Variants in SOX6 observed in about 807,000 individuals in gnomAD.
SOX6 encodes SRY-box transcription factor 6, also known as transcription factor SOX-6.
Under a neutral mutation model 97.8 loss-of-function variants are expected in SOX6, and 11 were observed. The observed-to-expected ratio is 0.11, with a 90% CI of 0.07 to 0.19. The LOEUF (loss-of-function observed/expected upper bound fraction) is 0.19, where lower values mean the gene tolerates loss of function less well. Ranked by LOEUF, SOX6 falls within the 10% of genes least tolerant of loss-of-function variation. SOX6 has a pLI of 1.00. For missense variants in SOX6, 810 were observed against 1,039.5 expected (o/e 0.78, Z 3.04); for synonymous variants, 360 against 371.4 (o/e 0.97, Z 0.35).
At chr11:16,619,933 C>T (rs1848520678) in intron 3 of SOX6, among the ~76,000 whole-genome samples, 3 of 152,054 alleles carry the variant, frequency 2.0e-5, no homozygotes, top group South Asian at 2.1e-4. Flanking sequence ...AAGAGTAAAA[C>T]ATATTGATGT....
chr11:16,093,263 C>T (rs1409641127), intron 9 of SOX6, among the ~76,000 whole-genome samples: 1 of 151,938 alleles, frequency 6.6e-6, no homozygotes, highest in Non-Finnish European at 1.5e-5. Context: ...AACTGTTCAA[C>T]TAAAAATAGC....
intron 1 of SOX6, among the ~76,000 whole-genome samples, chr11:16,471,140 G>A (rs1275100765): frequency 1.3e-5 from 2 of 149,494 alleles, no homozygotes; most frequent in African/African-American, 4.9e-5. Context: ...TAAACGGTCA[G>A]AATTACATAA....
In SOX6 at chr11:16,250,218, C is replaced by A. The variant is rs72867976; in HGVS notation, c.446-15547G>T. 7.9e-3 allele frequency among the ~76,000 whole-genome samples: 1,201 copies of A among 152,218 alleles called. 14 individuals are homozygous for A. Among genetic ancestry groups the A allele is most frequent in the Non-Finnish European group, 0.011 (716 of 68,022 alleles). On this transcript the variant is annotated intron_variant, in intron 3 of 15. Transcript: ENST00000683767. The stretch of plus-strand genomic sequence containing the variant: ...GTACATGCAAGAGATCTATACTGTG[C>A]TCTCCTTATGATAAAGAATTTTGAG...
intron 3 of SOX6, 188 bp downstream of exon 3, chr11:16,318,258 A>T (rs878942508): frequency 1.6e-6 from 1 of 629,874 alleles, no homozygotes; most frequent in South Asian, 1.9e-5. Flanking sequence ...AGAAAAACGG[A>T]GCTATCTGTT....
chr11:16,039,102 A>G (rs924751912), intron 12 of SOX6, among the ~76,000 whole-genome samples: 5 of 152,090 alleles, frequency 3.3e-5, no homozygotes, highest in Non-Finnish European at 7.4e-5. Flanking sequence ...GTATGACAAG[A>G]ATTTTTGTGC....
intron 3 of SOX6, among the ~76,000 whole-genome samples, chr11:16,635,699 C>T (rs1472002360): frequency 6.6e-6 from 1 of 152,134 alleles, no homozygotes; most frequent in Non-Finnish European, 1.5e-5. Flanking sequence ...GGCCCAGAAG[C>T]CTAGGAGGGA....
chr11:16,456,383 G>C (rs1307993597), intron 1 of SOX6, among the ~76,000 whole-genome samples: 1 of 152,112 alleles, frequency 6.6e-6, no homozygotes, highest in East Asian at 1.9e-4. Context: ...AGATTCATCA[G>C]AACTTAGTCT....
chr11:16,353,123 A>T (rs1228102448), intron 1 of SOX6, among the ~76,000 whole-genome samples: 1 of 152,064 alleles, frequency 6.6e-6, no homozygotes, highest in Non-Finnish European at 1.5e-5. Flanking sequence ...GTTTATTTCA[A>T]GGCCCAGAGA....
chr11:16,552,717 T>C (rs190665333), intron 4 of SOX6, among the ~76,000 whole-genome samples: 78 of 152,298 alleles, frequency 5.1e-4, no homozygotes, highest in Non-Finnish European at 9.7e-4. Flanking sequence ...GGATTTTTTG[T>C]TTTTCTTTTT....
chr11:16,107,420 TATATATAC>T (rs1158817195), intron 7 of SOX6, among the ~76,000 whole-genome samples: 2 of 147,530 alleles, frequency 1.4e-5, no homozygotes, highest in African/African-American at 4.9e-5. Context: ...TATATATACA[TATATATAC>T]ATATATATAC....
intron 7 of SOX6, among the ~76,000 whole-genome samples, chr11:16,108,065 G>A (rs958683281): frequency 3.3e-5 from 5 of 152,088 alleles, no homozygotes; most frequent in Admixed American, 1.3e-4. Flanking sequence ...TGAACAAATC[G>A]TGACACATTT....
At chr11:16,078,876 G>A (rs1848413991) in intron 9 of SOX6, among the ~76,000 whole-genome samples, 1 of 152,106 alleles carries the variant, frequency 6.6e-6, no homozygotes, top group Admixed American at 6.5e-5. Context: ...TGGCAAGGGT[G>A]TACTTGTGCT....
At chr11:16,180,890 T>C (rs566973427) in intron 6 of SOX6, among the ~76,000 whole-genome samples, 3 of 151,862 alleles carry the variant, frequency 2.0e-5, no homozygotes, top group African/African-American at 7.2e-5. Flanking sequence ...GCAAATAAAA[T>C]AAACATGGGA....
chr11:16,203,032 T>C (rs1210666418), intron 4 of SOX6, among the ~76,000 whole-genome samples: 1 of 151,996 alleles, frequency 6.6e-6, no homozygotes, highest in African/African-American at 2.4e-5. Flanking sequence ...TAAATACTAA[T>C]AAAAGCCACA....
chr11:16,549,762 A>G (rs1847661953), intron 4 of SOX6, among the ~76,000 whole-genome samples: 1 of 152,192 alleles, frequency 6.6e-6, no homozygotes, highest in South Asian at 2.1e-4. Flanking sequence ...ACTCAGCAAA[A>G]GAATGATACA....
intron 3 of SOX6, among the ~76,000 whole-genome samples, chr11:16,246,329 G>C (rs1039295373): frequency 2.6e-4 from 39 of 151,396 alleles, no homozygotes; most frequent in Non-Finnish European, 4.9e-4. Flanking sequence ...TGCCTCCAGA[G>C]TAACCATTTA....
intron 1 of SOX6, among the ~76,000 whole-genome samples, chr11:16,435,042 CTT>C: frequency 6.6e-6 from 1 of 152,208 alleles, no homozygotes; most frequent in African/African-American, 2.4e-5. Flanking sequence ...ACAGTTGAAA[CTT>C]AAAGTTATTA....
At chr11:16,530,463 A>G (rs748053293) in intron 4 of SOX6, among the ~76,000 whole-genome samples, 3 of 152,080 alleles carry the variant, frequency 2.0e-5, no homozygotes, top group Non-Finnish European at 4.4e-5. Flanking sequence ...GATACAGTGA[A>G]ACACCTAAAA....
At chr11:16,678,509 C>G (rs1311371657) in intron 3 of SOX6, among the ~76,000 whole-genome samples, 1 of 151,570 alleles carries the variant, frequency 6.6e-6, no homozygotes, top group Non-Finnish European at 1.5e-5. Context: ...AGGAACAGCT[C>G]CAGTCTGCAG....
Sources: allele counts gnomAD v4.1 joint callset (sites outside exome capture counted in the v4.1 genomes callset), GRCh38; gene constraint gnomAD v4.1.1; transcripts MANE v1.5; gene names NCBI Gene and HGNC (gene_info 2026-07-23, HGNC 2026-07-21).